The following SLC16A7 variants were observed in gnomAD, a reference collection of about 807,000 sequenced individuals.
SLC16A7 encodes the protein solute carrier family 16 member 7.
SLC16A7 carries 33 observed loss-of-function variants against 34.9 expected under a neutral mutation model. The ratio of observed to expected loss-of-function variants is 0.94; its 90% CI spans 0.72 to 1.26. The LOEUF (loss-of-function observed/expected upper bound fraction) is 1.26. Ranked by LOEUF, SLC16A7 falls within the 50% of genes most tolerant of loss-of-function variation. The pLI is 0.00. For synonymous variants in SLC16A7, 201 were observed against 206.6 expected (o/e 0.97, Z 0.23); for missense variants, 573 against 578.1 (o/e 0.99, Z 0.09).
intron 2 of SLC16A7, among the ~76,000 whole-genome samples, chr12:59,702,358 T>G (rs1872988207): frequency 6.6e-6 from 1 of 151,942 alleles, no homozygotes; most frequent in Non-Finnish European, 1.5e-5. Context: ...AATAGATGAA[T>G]AGATAGATAG....
intron 3 of SLC16A7, among the ~76,000 whole-genome samples, chr12:59,763,256 C>T (rs1881210211): frequency 6.6e-6 from 1 of 151,920 alleles, no homozygotes; most frequent in South Asian, 2.1e-4. Context: ...CTTGGTTTTT[C>T]TTGGTTTTTA....
chr12:59,686,945 A>G (rs1190523933), intron 2 of SLC16A7, among the ~76,000 whole-genome samples: 1 of 152,100 alleles, frequency 6.6e-6, no homozygotes, highest in African/African-American at 2.4e-5. Flanking sequence ...AAGTGTTCTC[A>G]TCACAGAAAA....
chr12:59,695,401 G>A (rs973727525), intron 2 of SLC16A7, among the ~76,000 whole-genome samples: 2 of 152,016 alleles, frequency 1.3e-5, no homozygotes, highest in Non-Finnish European at 2.9e-5. Flanking sequence ...TAGGACCAGA[G>A]CTGATGTATG....
intron 3 of SLC16A7, among the ~76,000 whole-genome samples, chr12:59,712,054 A>G (rs919437422): frequency 1.3e-5 from 2 of 152,224 alleles, no homozygotes; most frequent in African/African-American, 4.8e-5. Context: ...ACAAGAATAT[A>G]TACATTTATG....
In SLC16A7 at chr12:59,754,543, C is replaced by A. The variant is rs559851701; in HGVS notation, c.218-16676C>A. On this transcript the variant is annotated intron_variant, in intron 3 of 5. Coordinates refer to ENST00000547379, the MANE Select transcript of SLC16A7 (RefSeq NM_001270623.2). ...AAATTCCTCGACACGTACACCCTCC[C>A]AAGACTAAACCAGGAAGAAGTTGAG... 5.3e-5 allele frequency among the ~76,000 whole-genome samples: 8 copies of A among 152,250 alleles called. No individual in the cohort carries two copies. The South Asian group carries it at 1.2e-3, about 24-fold the overall frequency.
intron 5 of SLC16A7, among the ~76,000 whole-genome samples, chr12:59,778,369 T>C (rs187652725): frequency 5.9e-5 from 9 of 152,240 alleles, no homozygotes; most frequent in Non-Finnish European, 1.2e-4. Flanking sequence ...AGGTAATATA[T>C]TACAAGTAGC....
chr12:59,600,772 G>A (rs935968780), intron 1 of SLC16A7, among the ~76,000 whole-genome samples: 3 of 152,094 alleles, frequency 2.0e-5, no homozygotes, highest in Non-Finnish European at 2.9e-5. Flanking sequence ...TGGGACTTGG[G>A]TGCACCATAG....
chr12:59,622,855 A>G (rs1879753997), intron 1 of SLC16A7, among the ~76,000 whole-genome samples: 1 of 151,788 alleles, frequency 6.6e-6, no homozygotes, highest in African/African-American at 2.4e-5. Flanking sequence ...TTTAATTTGC[A>G]TCATGTCGCT....
intron 1 of SLC16A7, among the ~76,000 whole-genome samples, chr12:59,597,490 C>G (rs1592373550): frequency 6.6e-6 from 1 of 152,086 alleles, no homozygotes. Flanking sequence ...TCATGGCTAA[C>G]CCCAGTCTGA....
rs940261262 is a variant in SLC16A7, at chr12:59,780,827, A to T, written c.*1148A>T. On this transcript the variant is annotated 3_prime_UTR_variant, in exon 6 of 6. Coordinates refer to ENST00000547379, the MANE Select transcript of SLC16A7 (RefSeq NM_001270623.2). The stretch of plus-strand genomic sequence containing the variant: ...TTTAATGAACCCTCTAAGCTCTCTC[A>T]GTTCCTTCCCTTCCACAAAATGCAA... 1 of 152,142 alleles carries T rather than the reference A, an allele frequency of 6.6e-6. No individual in the cohort carries two copies. The highest frequency in any genetic ancestry group is 2.4e-5 in the African/African-American group (1 of 41,444). 9.4% of individuals were successfully genotyped at this position (152,142 alleles called of 1,614,324 possible).
chr12:59,616,256 G>A (rs908491810), intron 1 of SLC16A7, among the ~76,000 whole-genome samples: 1 of 152,112 alleles, frequency 6.6e-6, no homozygotes, highest in East Asian at 1.9e-4. Flanking sequence ...CACCCTGACA[G>A]TACCTAAATA....
intron 1 of SLC16A7, among the ~76,000 whole-genome samples, chr12:59,625,967 C>A (rs911708979): frequency 1.3e-5 from 2 of 151,778 alleles, no homozygotes; most frequent in African/African-American, 4.8e-5. Flanking sequence ...CAAAAAGTTA[C>A]ATTGACTGAG....
intron 2 of SLC16A7, among the ~76,000 whole-genome samples, chr12:59,692,219 C>T (rs182822871): frequency 2.0e-5 from 3 of 152,020 alleles, no homozygotes; most frequent in Admixed American, 6.6e-5. Context: ...TCTCTGAACT[C>T]CCTCTGGCTC....
At chr12:59,728,308 C>T (rs150795718) in intron 3 of SLC16A7, among the ~76,000 whole-genome samples, 1 of 152,302 alleles carries the variant, frequency 6.6e-6, no homozygotes, top group Non-Finnish European at 1.5e-5. Flanking sequence ...CCTTTAGTGA[C>T]ATCCTGGCAT....
At chr12:59,774,513 A>G (rs932405782) in intron 4 of SLC16A7, 144 bp from the exon 5 acceptor site, 6 of 512,292 alleles carry the variant, frequency 1.2e-5, no homozygotes, top group African/African-American at 5.9e-5. Context: ...GTGCAATTAC[A>G]TTTATAATAA....
chr12:59,633,492 C>T (rs2136996731), intron 1 of SLC16A7, among the ~76,000 whole-genome samples: 1 of 152,078 alleles, frequency 6.6e-6, no homozygotes, highest in Non-Finnish European at 1.5e-5. Context: ...GGTGATGTGA[C>T]ACCTAGTGTG....
Position 59,711,271 on chromosome 12 carries a change from C to A in SLC16A7, c.217+6253C>A, listed in dbSNP as rs140086648. Among the ~76,000 whole-genome samples, 211 of 152,248 alleles carry A rather than the reference C, an allele frequency of 1.4e-3. 1 individual carries two copies. Among genetic ancestry groups the A allele is most frequent in the Middle Eastern group, 6.8e-3 (2 of 294 alleles). ...GGATTCTGAAGAGACAAAGTATTAA[C>A]AATAAGCACTTACTACTTTAGTCTT... On this transcript the variant is annotated intron_variant, in intron 3 of 5. Coordinates refer to ENST00000547379, the MANE Select transcript of SLC16A7 (RefSeq NM_001270623.2).
intron 3 of SLC16A7, among the ~76,000 whole-genome samples, chr12:59,744,330 T>C (rs2706289): frequency 0.12 from 18,657 of 151,788 alleles, 1,499 homozygotes; most frequent in African/African-American, 0.22. Flanking sequence ...ACATTAGAGA[T>C]TATGGTTGGA....
chr12:59,652,935 G>A (rs1430077117), intron 1 of SLC16A7, among the ~76,000 whole-genome samples: 5 of 151,748 alleles, frequency 3.3e-5, no homozygotes, highest in Non-Finnish European at 5.9e-5. Context: ...AAGATGAAAA[G>A]GCATGCCGAA....
Sources: allele counts gnomAD v4.1 joint callset (sites outside exome capture counted in the v4.1 genomes callset), GRCh38; gene constraint gnomAD v4.1.1; transcripts MANE v1.5; gene names NCBI Gene and HGNC (gene_info 2026-07-23, HGNC 2026-07-21).